Variants in TOP1MT observed in about 807,000 individuals in gnomAD.
The protein encoded by TOP1MT is DNA topoisomerase I mitochondrial.
TOP1MT carries 80 observed loss-of-function variants against 73.9 expected under a neutral mutation model. The observed-to-expected ratio is 1.08, with a 90% CI of 0.90 to 1.30. TOP1MT has a LOEUF of 1.30. TOP1MT is among the 50% of genes most tolerant of loss of function. TOP1MT has a pLI of 0.00. For synonymous variants in TOP1MT, 338 were observed against 326.4 expected (o/e 1.04, Z -0.38); for missense variants, 815 against 808.0 (o/e 1.01, Z -0.10).
intron 7 of TOP1MT, among the ~76,000 whole-genome samples, chr8:143,322,693 C>CCACACGCACGCAA (rs1563759906): frequency 7.4e-5 from 3 of 40,404 alleles, no homozygotes; most frequent in Non-Finnish European, 1.2e-4. Flanking sequence ...CACACGCACG[C>CCACACGCACGCAA]CACACGCACG....
At chr8:143,321,453 AC>A in intron 7 of TOP1MT, 67 bp from the exon 8 acceptor site, 1 of 790,344 alleles carries the variant, frequency 1.3e-6, no homozygotes, top group East Asian at 8.6e-5. Context: ...CGCACGCCAC[AC>A]ACACGCACGC....
Position 143,324,579 on chromosome 8 carries a change from C to G in TOP1MT, c.722G>C (p.Arg241Pro). 1 of 1,613,718 alleles carries G rather than the reference C, an allele frequency of 6.2e-7. No individual in the cohort carries two copies. Among genetic ancestry groups the G allele is most frequent in the Non-Finnish European group, 8.5e-7 (1 of 1,180,018 alleles). Residue 241 changes from arginine to proline, a missense_variant, in exon 6 of 14, where the codon CGC (arginine) becomes CCC (proline). Coordinates refer to ENST00000329245, the MANE Select transcript of TOP1MT (RefSeq NM_052963.3). Reference protein sequence around the residue: ...PPAGHQWKEVRSDNTVTWLAA... With the variant: ...PPAGHQWKEVPSDNTVTWLAA... ...CAGCCACGTGACGGTGTTATCGGAG[C>G]GCACCTCCTTCCACTGGTGCCCCGC... is the stretch of plus-strand genomic sequence containing the variant.
chr8:143,324,253 G>A (rs562147427), intron 6 of TOP1MT, 111 bp from the exon 7 acceptor site: 16 of 1,470,428 alleles, frequency 1.1e-5, no homozygotes, highest in South Asian at 2.5e-5. Context: ...CAGTGGTGCC[G>A]TGGTCAGGGG....
intron 2 of TOP1MT, chr8:143,343,127 T>C (rs529232279): frequency 2.2e-6 from 1 of 453,390 alleles, no homozygotes; most frequent in South Asian, 1.6e-5. Context: ...TGTTGTCATA[T>C]CTGCAAGAAT....
chr8:143,321,338 TGTCGGCCGCCTCACC>T lies in TOP1MT; in HGVS notation c.994_1008del (p.Gly332_Asp336del), dbSNP rs1472292577. On this transcript the variant is annotated inframe_deletion, in exon 8 of 14. Transcript: ENST00000329245. The stretch of plus-strand genomic sequence containing the variant: ...ACGCGGAGGGAACAGCAGCCCACGG[TGTCGGCCGCCTCACC>T]GTCCTCCTTCTCATTTCCTGCTCTC... 1 of 1,601,604 alleles carries T rather than the reference TGTCGGCCGCCTCACC, an allele frequency of 6.2e-7. No homozygotes were observed. The highest frequency in any genetic ancestry group is 1.1e-5 in the South Asian group (1 of 90,690).
At chr8:143,329,494 C>T (rs202102385) in intron 2 of TOP1MT, 23 bp from the exon 3 acceptor site, 164 of 1,595,454 alleles carry the variant, frequency 1.0e-4, no homozygotes, top group East Asian at 2.0e-4. Flanking sequence ...GAAGACACAT[C>T]GTATGAGAGA....
chr8:143,345,508 G>A (rs1298340269), upstream of TOP1MT, among the ~76,000 whole-genome samples: 2 of 152,234 alleles, frequency 1.3e-5, no homozygotes, highest in African/African-American at 4.8e-5. Flanking sequence ...GCTGGGAGGT[G>A]TCACTCACAC....
At chr8:143,320,654 G>A (rs947342509) in intron 8 of TOP1MT, among the ~76,000 whole-genome samples, 2 of 152,248 alleles carry the variant, frequency 1.3e-5, no homozygotes, top group African/African-American at 2.4e-5. Flanking sequence ...ACTCCAATAC[G>A]ACAGCGTCCT....
At chr8:143,345,455 C>T (rs918670776), upstream of TOP1MT, among the ~76,000 whole-genome samples, 1 of 152,252 alleles carries the variant, frequency 6.6e-6, no homozygotes, top group Non-Finnish European at 1.5e-5. Context: ...GACACAGACA[C>T]AGAGAAGCAG....
At chr8:143,326,422 C>T in intron 3 of TOP1MT, 78 bp from the exon 4 acceptor site, 1 of 1,582,224 alleles carries the variant, frequency 6.3e-7, no homozygotes, top group South Asian at 1.1e-5. Flanking sequence ...GTCTGACGGA[C>T]AGAAACGCGC....
intron 7 of TOP1MT, among the ~76,000 whole-genome samples, chr8:143,322,491 G>A (rs201503555): frequency 3.1e-4 from 20 of 64,274 alleles, no homozygotes; most frequent in African/African-American, 5.4e-4. Context: ...CACGCCACAC[G>A]CACGCCACAC....
chr8:143,324,531 T>G lies in TOP1MT; in HGVS notation c.770A>C (p.Gln257Pro). Residue 257 changes from glutamine to proline, a missense_variant, in exon 6 of 14, where the codon CAG becomes CCG. Physicochemically the swap from Gln to Pro is moderately conservative, Grantham distance 76. Around this residue, in one of 3 missense-constraint regions of TOP1MT, gnomAD observed 751 missense variants for 725.4 expected, o/e 1.04. Coordinates refer to ENST00000329245, the MANE Select transcript of TOP1MT (RefSeq NM_052963.3). ...CAGCATGATGTACTTGATGGAGTTC[T>G]GAACGCTCTCGGTCCAAGCTGCCAG... Reference protein sequence around the residue: ...TWLAAWTESVQNSIKYIMLNP... With the variant: ...TWLAAWTESVPNSIKYIMLNP... 1 of 1,613,986 alleles carries G rather than the reference T, an allele frequency of 6.2e-7. No homozygotes were observed. Among genetic ancestry groups the G allele is most frequent in the Non-Finnish European group, 8.5e-7 (1 of 1,180,026 alleles).
intron 5 of TOP1MT, 127 bp downstream of exon 5, chr8:143,325,219 G>T: frequency 4.5e-6 from 4 of 890,406 alleles, no homozygotes; most frequent in East Asian, 5.4e-5. Context: ...AGCTCCACAG[G>T]AATGGTGTGG....
At chr8:143,347,888 T>C (rs757795847), upstream of TOP1MT, among the ~76,000 whole-genome samples, 23 of 152,318 alleles carry the variant, frequency 1.5e-4, no homozygotes, top group Non-Finnish European at 2.5e-4. Flanking sequence ...GACGGGTACC[T>C]GGAGCTCAGC....
At chr8:143,309,830 T>C in intron 13 of TOP1MT, 1 of 1,534,118 alleles carries the variant, frequency 6.5e-7, no homozygotes, top group Non-Finnish European at 8.7e-7. Context: ...GCCCTCCTGA[T>C]GCCTCCGAGT....
chr8:143,320,337 A>G (rs953531629), intron 8 of TOP1MT, among the ~76,000 whole-genome samples: 1 of 151,972 alleles, frequency 6.6e-6, no homozygotes, highest in African/African-American at 2.4e-5. Flanking sequence ...TCACCATGTT[A>G]GCCAGGATGG....
At chr8:143,352,680 A>G (rs1817341293) in intron 1 of TOP1MT, among the ~76,000 whole-genome samples, 1 of 152,228 alleles carries the variant, frequency 6.6e-6, no homozygotes, top group Non-Finnish European at 1.5e-5. Flanking sequence ...AGGCTGCAGT[A>G]AAGTGGCACA....
chr8:143,328,816 G>A (rs188294380), intron 3 of TOP1MT, among the ~76,000 whole-genome samples: 33 of 152,374 alleles, frequency 2.2e-4, no homozygotes, highest in Middle Eastern at 6.8e-3. Context: ...CCTCGCAGGT[G>A]TGGGGCAGAC....
chr8:143,323,337 G>A (rs1586762201), intron 7 of TOP1MT, among the ~76,000 whole-genome samples: 1 of 85,786 alleles, frequency 1.2e-5, no homozygotes, highest in Non-Finnish European at 2.2e-5. Context: ...ACACATGCAC[G>A]CCACACACAT....
Sources: gnomAD v4.1 joint callset for allele counts (sites outside exome capture counted in the v4.1 genomes callset) on GRCh38, gnomAD v4.1.1 for gene constraint, gnomAD v4.1.1 regional missense constraint, MANE v1.5 for transcripts, NCBI Gene and HGNC (gene_info 2026-07-23, HGNC 2026-07-21) for gene names.